GFRA2: variants seen among roughly 807,000 people sequenced by gnomAD.
The protein encoded by GFRA2 is GDNF family receptor alpha 2, also known as GDNF family receptor alpha-2.
A neutral mutation model predicts 48.3 loss-of-function variants in GFRA2; 17 were observed. That is an observed-to-expected ratio of 0.35 (90% CI 0.24 to 0.53). The LOEUF (loss-of-function observed/expected upper bound fraction) is 0.53, where lower values mean the gene tolerates loss of function less well. GFRA2 is among the 20% of genes least tolerant of loss of function. The pLI is 0.93. For synonymous variants in GFRA2, 305 were observed against 257.2 expected (o/e 1.19, Z -1.78); for missense variants, 660 against 637.3 (o/e 1.04, Z -0.38).
At chr8:21,778,712 A>G (rs1806830176) in intron 2 of GFRA2, among the ~76,000 whole-genome samples, 1 of 152,084 alleles carries the variant, frequency 6.6e-6, no homozygotes, top group African/African-American at 2.4e-5. Context: ...GCAATATAGC[A>G]AGACCCCACC....
chr8:21,761,124 C>T (rs1441453698), intron 3 of GFRA2, among the ~76,000 whole-genome samples: 2 of 152,154 alleles, frequency 1.3e-5, no homozygotes, highest in African/African-American at 2.4e-5. Context: ...CACCTCCACA[C>T]CTCATGCTGG....
intron 4 of GFRA2, among the ~76,000 whole-genome samples, chr8:21,725,466 T>C (rs1803821538): frequency 6.6e-6 from 1 of 152,280 alleles, no homozygotes; most frequent in South Asian, 2.1e-4. Flanking sequence ...GGCTGAAATC[T>C]GTACTTTAGA....
intron 1 of GFRA2, among the ~76,000 whole-genome samples, chr8:21,785,891 G>T (rs965821313): frequency 1.4e-5 from 2 of 144,526 alleles, no homozygotes; most frequent in East Asian, 2.3e-4. Flanking sequence ...AACCTCCCCC[G>T]ACCCTCCACC....
intron 3 of GFRA2, among the ~76,000 whole-genome samples, chr8:21,751,559 G>A (rs1163647794): frequency 6.6e-6 from 1 of 152,242 alleles, no homozygotes; most frequent in Non-Finnish European, 1.5e-5. Context: ...GTCACACCCA[G>A]TAGTGCAGTT....
intron 7 of GFRA2, among the ~76,000 whole-genome samples, chr8:21,698,011 C>A (rs1346996552): frequency 1.3e-5 from 2 of 152,200 alleles, no homozygotes; most frequent in Admixed American, 6.5e-5. Context: ...TGAGAACAGA[C>A]TAATACAACC....
At chr8:21,796,143 C>A (rs953451331) in intron 2 of GFRA2, among the ~76,000 whole-genome samples, 17 of 152,248 alleles carry the variant, frequency 1.1e-4, no homozygotes, top group Non-Finnish European at 4.4e-5. Context: ...TCTGCCCCTG[C>A]TGCCCCAGAG....
At chr8:21,714,801 C>T (rs1803253412) in intron 4 of GFRA2, among the ~76,000 whole-genome samples, 1 of 152,134 alleles carries the variant, frequency 6.6e-6, no homozygotes, top group Admixed American at 6.5e-5. Context: ...GGTACGGTGG[C>T]TGACACAAAC....
At chr8:21,775,563 T>C (rs1585328592) in intron 2 of GFRA2, among the ~76,000 whole-genome samples, 1 of 152,198 alleles carries the variant, frequency 6.6e-6, no homozygotes, top group African/African-American at 2.4e-5. Context: ...TCTGCTGTCC[T>C]GGCCCTCCCA....
At chr8:21,727,471 GC>G (rs1324044004) in intron 4 of GFRA2, among the ~76,000 whole-genome samples, 1 of 152,218 alleles carries the variant, frequency 6.6e-6, no homozygotes, top group African/African-American at 2.4e-5. Context: ...CAAGCGCTCT[GC>G]CAGGGCAGAA....
At chr8:21,787,260 C>CGGGGG (rs1392852698) in intron 1 of GFRA2, among the ~76,000 whole-genome samples, 9 of 61,316 alleles carry the variant, frequency 1.5e-4, no homozygotes, top group African/African-American at 4.2e-4. Flanking sequence ...GTCTTGGAGG[C>CGGGGG]GGCGGGGGGG....
chr8:21,702,669 C>T, intron 7 of GFRA2, 136 bp downstream of exon 7: 1 of 755,656 alleles, frequency 1.3e-6, no homozygotes, highest in Non-Finnish European at 2.1e-6. Context: ...GAAGAATGAC[C>T]CCCGGCAGCT....
intron 3 of GFRA2, among the ~76,000 whole-genome samples, chr8:21,770,040 G>A (rs1001403219): frequency 2.0e-5 from 3 of 152,146 alleles, no homozygotes; most frequent in South Asian, 2.1e-4. Flanking sequence ...AGGCCAGGCC[G>A]CTCACCAGCC....
At position 21,788,274 on chromosome 8, in the gene GFRA2, G is replaced by T. The variant is rs1807386359; in HGVS notation, c.-115C>A. Reference sequence around the variant, plus strand: ...TGGTAATCAGCCCCAAATCCAATGCGGAGATCCCAGCTAGTCCACCCGATG... The same window carrying T: ...TGGTAATCAGCCCCAAATCCAATGCTGAGATCCCAGCTAGTCCACCCGATG... On this transcript the variant is annotated 5_prime_UTR_variant, in exon 1 of 9. Transcript: ENST00000524240. The T allele has an allele frequency of 7.0e-7, 1 of 1,433,190 alleles. No individual in the cohort carries two copies. Among genetic ancestry groups the T allele is most frequent in the African/African-American group, 1.5e-5 (1 of 67,804 alleles). 88.8% of individuals were successfully genotyped at this position (1,433,190 alleles called of 1,614,324 possible).
chr8:21,724,272 G>C (rs1803748133), intron 4 of GFRA2, among the ~76,000 whole-genome samples: 1 of 152,060 alleles, frequency 6.6e-6, no homozygotes, highest in Non-Finnish European at 1.5e-5. Flanking sequence ...GTTGCCCCTT[G>C]GCCTACCGGA....
At chr8:21,697,654 A>G (rs1802275704) in intron 7 of GFRA2, among the ~76,000 whole-genome samples, 1 of 151,976 alleles carries the variant, frequency 6.6e-6, no homozygotes, top group African/African-American at 2.4e-5. Flanking sequence ...GCACATAACC[A>G]CTGATATGGT....
chr8:21,796,625 C>A (rs1807681650), intron 2 of GFRA2, among the ~76,000 whole-genome samples: 1 of 151,796 alleles, frequency 6.6e-6, no homozygotes, highest in African/African-American at 2.4e-5. Context: ...AGCACATTTA[C>A]CTGTATGCCT....
intron 4 of GFRA2, among the ~76,000 whole-genome samples, chr8:21,730,453 C>T (rs1220182331): frequency 6.6e-6 from 1 of 152,054 alleles, no homozygotes; most frequent in African/African-American, 2.4e-5. Context: ...GAAGGAGCTG[C>T]AGCCAGATGG....
At chr8:21,705,197 C>A in intron 5 of GFRA2, 72 bp from the exon 6 acceptor site, 1 of 1,500,972 alleles carries the variant, frequency 6.7e-7, no homozygotes, top group Non-Finnish European at 9.0e-7. Flanking sequence ...ACAGACCAAC[C>A]CCAGGCACAG....
chr8:21,778,025 T>C (rs1384356528), intron 2 of GFRA2, among the ~76,000 whole-genome samples: 2 of 152,202 alleles, frequency 1.3e-5, no homozygotes, highest in African/African-American at 4.8e-5. Flanking sequence ...GCGCCTTGAC[T>C]GCATACTGAG....
Sources: gnomAD v4.1 joint callset for allele counts (sites outside exome capture counted in the v4.1 genomes callset) on GRCh38, gnomAD v4.1.1 for gene constraint, MANE v1.5 for transcripts, NCBI Gene and HGNC (gene_info 2026-07-23, HGNC 2026-07-21) for gene names.